The following DIP2C variants were observed in gnomAD, a reference collection of about 807,000 sequenced individuals.
DIP2C encodes DIP2 acetate--CoA ligase C (putative).
A neutral mutation model predicts 192.4 loss-of-function variants in DIP2C; 33 were observed. The observed-to-expected ratio is 0.17, with a 90% CI of 0.13 to 0.23. The LOEUF (loss-of-function observed/expected upper bound fraction) is 0.23, where lower values mean the gene tolerates loss of function less well. DIP2C is among the 10% of genes least tolerant of loss of function. The pLI, the probability that DIP2C is intolerant of heterozygous loss-of-function variation, is 1.00. For missense variants in DIP2C, 1,537 were observed against 2,110.1 expected, an observed-to-expected ratio of 0.73 and a Z score of 5.32; for synonymous variants, 979 against 864.1, an observed-to-expected ratio of 1.13 and a Z score of -2.33.
intron 34 of DIP2C, 114 bp downstream of exon 34, chr10:286,159 G>T: frequency 1.0e-6 from 1 of 961,168 alleles, no homozygotes; most frequent in Non-Finnish European, 1.6e-6. Context: ...AACTCACTCA[G>T]CTCAAACCGG....
At chr10:404,652 G>C (rs1483369338) in intron 9 of DIP2C, among the ~76,000 whole-genome samples, 1 of 152,196 alleles carries the variant, frequency 6.6e-6, no homozygotes, top group Non-Finnish European at 1.5e-5. Flanking sequence ...GTCATTGAGA[G>C]GGGAGCAGGC....
At position 369,645 on chromosome 10, in the gene DIP2C, GTTT is replaced by G; in HGVS notation, c.1992-15_1992-13del. ...TGTCATCCGTGGGCCTGTAATGACA[GTTT>G]TTAACTTGAATATGCAGGAGCAGAT... On this transcript the variant is annotated splice_polypyrimidine_tract_variant and intron_variant, in intron 17 of 36. Coordinates refer to ENST00000280886, the MANE Select transcript of DIP2C (RefSeq NM_014974.3). The G allele has an allele frequency of 1.2e-6, 2 of 1,614,152 alleles. No homozygotes were observed. The highest frequency in any genetic ancestry group is 8.5e-7 in the Non-Finnish European group (1 of 1,180,024).
intron 1 of DIP2C, among the ~76,000 whole-genome samples, chr10:524,785 AG>A (rs1249286475): frequency 6.6e-5 from 10 of 152,258 alleles, no homozygotes; most frequent in African/African-American, 2.2e-4. Context: ...TTTAAGCATT[AG>A]GGAGTTCATT....
At chr10:375,738 A>C (rs999193494) in intron 17 of DIP2C, among the ~76,000 whole-genome samples, 2 of 152,126 alleles carry the variant, frequency 1.3e-5, no homozygotes, top group African/African-American at 4.8e-5. Context: ...ACACAAAACA[A>C]ACACATCAAG....
At chr10:340,609 A>G (rs1430184047) in intron 29 of DIP2C, 2 of 361,288 alleles carry the variant, frequency 5.5e-6, no homozygotes, top group Admixed American at 3.7e-5. Context: ...AATTTCTACA[A>G]TGAACATGTA....
rs570970632 is a variant in DIP2C, at chr10:578,804, T to C, written c.86-92274A>G. On this transcript the variant is annotated intron_variant, in intron 1 of 36. Transcript: ENST00000280886. ...GTACAAGCATAAGTGCACTATAACA[T>C]GTGTGCATGCATAGAGAGCACACAC... is the stretch of plus-strand genomic sequence containing the variant. Among the ~76,000 whole-genome samples, 7 of 141,476 alleles carry C rather than the reference T, an allele frequency of 4.9e-5. No homozygotes were observed. In the East Asian group the frequency reaches 5.9e-4, roughly 12 times the overall value. The allele number at this position is 141,476 out of a possible 152,430, so 92.8% of individuals were successfully genotyped here.
intron 1 of DIP2C, among the ~76,000 whole-genome samples, chr10:546,312 A>T (rs1050382244): frequency 3.9e-5 from 6 of 152,000 alleles, no homozygotes; most frequent in Admixed American, 6.6e-5. Context: ...ATTTATTTTA[A>T]AATAATAAAG....
chr10:578,780 T>C (rs776981536), intron 1 of DIP2C, among the ~76,000 whole-genome samples: 1 of 151,126 alleles, frequency 6.6e-6, no homozygotes, highest in Non-Finnish European at 1.5e-5. Context: ...ACATATAGTG[T>C]ACAAGCATAA....
chr10:522,407 A>G (rs1481832880), intron 1 of DIP2C, among the ~76,000 whole-genome samples: 3 of 152,242 alleles, frequency 2.0e-5, no homozygotes, highest in African/African-American at 7.2e-5. Flanking sequence ...TCCGCATGGA[A>G]GTAAACTTCA....
intron 2 of DIP2C, among the ~76,000 whole-genome samples, chr10:485,854 T>A: frequency 6.6e-6 from 1 of 152,250 alleles, no homozygotes; most frequent in East Asian, 1.9e-4. Context: ...GCTTGCCAGC[T>A]GGGAACTGAG....
chr10:306,006 CCTAT>C (rs1429506643), intron 32 of DIP2C, among the ~76,000 whole-genome samples: 5 of 146,318 alleles, frequency 3.4e-5, no homozygotes, highest in Non-Finnish European at 5.9e-5. Context: ...ATATTTTTTT[CCTAT>C]CTAAAGTCTG....
At chr10:425,495 C>T (rs911888589) in intron 4 of DIP2C, among the ~76,000 whole-genome samples, 4 of 136,930 alleles carry the variant, frequency 2.9e-5, no homozygotes, top group African/African-American at 1.0e-4. Flanking sequence ...TACAGCATGA[C>T]CAGCGGTGAC....
chr10:388,935 G>C (rs115493084), intron 13 of DIP2C, among the ~76,000 whole-genome samples: 5,934 of 124,268 alleles, frequency 0.048, 405 homozygotes, highest in African/African-American at 0.17. Context: ...GGCATCCTAA[G>C]GGATCTCAGG....
intron 1 of DIP2C, among the ~76,000 whole-genome samples, chr10:588,311 A>C (rs756567599): frequency 2.6e-4 from 40 of 152,218 alleles, no homozygotes; most frequent in Non-Finnish European, 5.4e-4. Flanking sequence ...GAGGGCAGGG[A>C]AGGACCAGGA....
intron 2 of DIP2C, among the ~76,000 whole-genome samples, chr10:480,356 C>T (rs909567637): frequency 2.0e-5 from 3 of 150,058 alleles, no homozygotes; most frequent in African/African-American, 7.4e-5. Context: ...CATCCACCAG[C>T]CTGAGCTCCG....
chr10:512,275 A>G (rs1846065901), intron 1 of DIP2C, among the ~76,000 whole-genome samples: 3 of 152,170 alleles, frequency 2.0e-5, no homozygotes, highest in Admixed American at 6.5e-5. Context: ...AGGGAAAAAA[A>G]TGGGCCAGAT....
At chr10:470,095 G>GT (rs772402893) in intron 3 of DIP2C, among the ~76,000 whole-genome samples, 1 of 152,166 alleles carries the variant, frequency 6.6e-6, no homozygotes, top group Non-Finnish European at 1.5e-5. Flanking sequence ...TGCTTGATAG[G>GT]TAAGTAGATG....
chr10:448,265 ATCC>A (rs1968473396), intron 3 of DIP2C, among the ~76,000 whole-genome samples: 1 of 129,272 alleles, frequency 7.7e-6, no homozygotes, highest in East Asian at 2.3e-4. Flanking sequence ...GGACCCACTC[ATCC>A]CTGTCTATAC....
At chr10:606,322 G>A (rs1256825058) in intron 1 of DIP2C, among the ~76,000 whole-genome samples, 1 of 152,194 alleles carries the variant, frequency 6.6e-6, no homozygotes, top group African/African-American at 2.4e-5. Flanking sequence ...TCAGGGCACG[G>A]CCACTCGCCC....
Sources: allele counts gnomAD v4.1 joint callset (sites outside exome capture counted in the v4.1 genomes callset), GRCh38; gene constraint gnomAD v4.1.1; transcripts MANE v1.5; gene names NCBI Gene and HGNC (gene_info 2026-07-23, HGNC 2026-07-21).